ZNF385D: variants seen among roughly 807,000 people sequenced by gnomAD.
The protein encoded by ZNF385D is zinc finger protein 659.
A neutral mutation model predicts 35.8 loss-of-function variants in ZNF385D; 15 were observed. The observed-to-expected ratio is 0.42, with a 90% CI of 0.28 to 0.64. The LOEUF (loss-of-function observed/expected upper bound fraction) is 0.64, where lower values mean the gene tolerates loss of function less well. Among genes scored for constraint, ZNF385D ranks in the 30% least tolerant of loss-of-function variants. The pLI is 0.23. For missense variants in ZNF385D, 474 were observed against 494.6 expected, an observed-to-expected ratio of 0.96 and a Z score of 0.39; for synonymous variants, 212 against 186.8, an observed-to-expected ratio of 1.13 and a Z score of -1.10.
At chr3:21,431,411 T>C (rs1382099140) in intron 5 of ZNF385D, among the ~76,000 whole-genome samples, 1 of 152,174 alleles carries the variant, frequency 6.6e-6, no homozygotes, top group Non-Finnish European at 1.5e-5. Flanking sequence ...ATTACAGCTC[T>C]AGTACCTAGA....
In ZNF385D at chr3:22,086,307, T is replaced by C. The variant is rs558466858; in HGVS notation, c.325+82510A>G. Among the ~76,000 whole-genome samples the C allele has an allele frequency of 3.3e-3, 497 of 152,302 alleles. 1 individual carries two copies. Among genetic ancestry groups the C allele is most frequent in the African/African-American group, 0.01 (430 of 41,564 alleles). On this transcript the variant is annotated intron_variant, in intron 3 of 5. Coordinates refer to the ZNF385D transcript ENST00000494108. ...ATGATTGTATATTTAGAAAACCTCA[T>C]AGTCTCAGCCCAAATTCTCCTTAAG...
chr3:21,828,031 A>G (rs1041647192), intron 3 of ZNF385D, among the ~76,000 whole-genome samples: 4 of 152,144 alleles, frequency 2.6e-5, no homozygotes, highest in African/African-American at 7.2e-5. Context: ...TTTTCTTCTG[A>G]TTATGGTTTT....
At chr3:22,150,755 CATATAT>C (rs371058778) in intron 3 of ZNF385D, among the ~76,000 whole-genome samples, 1 of 151,872 alleles carries the variant, frequency 6.6e-6, no homozygotes, top group Admixed American at 6.6e-5. Flanking sequence ...AAAATTTAAA[CATATAT>C]ATATAATTAG....
intron 4 of ZNF385D, among the ~76,000 whole-genome samples, chr3:21,460,648 G>A (rs188507649): frequency 2.0e-5 from 3 of 152,146 alleles, no homozygotes; most frequent in Non-Finnish European, 4.4e-5. Context: ...TGTTGTACAT[G>A]TGTAAAAAAT....
intron 3 of ZNF385D, among the ~76,000 whole-genome samples, chr3:21,919,398 G>A (rs1271428706): frequency 2.6e-5 from 4 of 152,162 alleles, no homozygotes; most frequent in Non-Finnish European, 5.9e-5. Flanking sequence ...TTTTGATATT[G>A]TTGTGAGCTA....
intron 2 of ZNF385D, among the ~76,000 whole-genome samples, chr3:22,357,926 A>T (rs1220998229): frequency 1.3e-5 from 2 of 151,922 alleles, no homozygotes; most frequent in Non-Finnish European, 2.9e-5. Flanking sequence ...AAATATTAGG[A>T]AACAGATTTA....
intron 3 of ZNF385D, among the ~76,000 whole-genome samples, chr3:22,099,847 T>C (rs566745093): frequency 9.9e-5 from 15 of 152,116 alleles, no homozygotes; most frequent in East Asian, 9.7e-4. Flanking sequence ...AATGAACAGA[T>C]TGGAGCCTGG....
At chr3:22,299,539 G>A (rs950410797) in intron 2 of ZNF385D, among the ~76,000 whole-genome samples, 2 of 151,762 alleles carry the variant, frequency 1.3e-5, no homozygotes, top group Non-Finnish European at 2.9e-5. Context: ...AGAAGTTCCT[G>A]TTTGTGAACA....
At position 21,420,389 on chromosome 3, in the gene ZNF385D, T is replaced by C. The variant is rs1469475429; in HGVS notation, c.*825A>G. The C allele has an allele frequency of 6.6e-6, 1 of 152,248 alleles. No homozygotes were observed. Among genetic ancestry groups the C allele is most frequent in the Non-Finnish European group, 1.5e-5 (1 of 68,042 alleles). 9.4% of individuals were successfully genotyped at this position (152,248 alleles called of 1,614,324 possible). A position where few individuals can be genotyped will look rare whatever the true frequency, so the allele number is the denominator to read the frequency against. On this transcript the variant is annotated 3_prime_UTR_variant, in exon 8 of 8. Transcript: ENST00000281523. ...GGTTTCTCTGCTTTCAGATATAGGT[T>C]CATTATAAACACTTCCCTGTTTCCA...
intron 4 of ZNF385D, among the ~76,000 whole-genome samples, chr3:21,501,596 C>A (rs939136114): frequency 6.6e-6 from 1 of 152,182 alleles, no homozygotes; most frequent in African/African-American, 2.4e-5. Context: ...AGACAAAATT[C>A]TCTAATTGTC....
At chr3:21,726,558 T>G (rs1284022464) in intron 1 of ZNF385D, among the ~76,000 whole-genome samples, 1 of 152,164 alleles carries the variant, frequency 6.6e-6, no homozygotes, top group Non-Finnish European at 1.5e-5. Context: ...AAATCATGAT[T>G]GAACTCTCAT....
rs534655688 is a variant in ZNF385D, at chr3:21,418,087, G to T, written c.*3127C>A. ...ATGACTGTTTCCCATTTGTCTGGACGATCTGATTGAGGTGCAACAATGCTT... is the reference window on the plus strand; with the variant it reads ...ATGACTGTTTCCCATTTGTCTGGACTATCTGATTGAGGTGCAACAATGCTT... On this transcript the variant is annotated 3_prime_UTR_variant, in exon 8 of 8. Transcript: ENST00000281523. 1.3e-5 allele frequency: 2 copies of T among 152,098 alleles called. No homozygotes were observed. Among genetic ancestry groups the T allele is most frequent in the African/African-American group, 4.8e-5 (2 of 41,424 alleles). The allele number at this position is 152,098 out of a possible 1,614,324, so 9.4% of individuals were successfully genotyped here. A position where few individuals can be genotyped will look rare whatever the true frequency, so the allele number is the denominator to read the frequency against.
chr3:22,070,111 A>G (rs759576539), intron 3 of ZNF385D, among the ~76,000 whole-genome samples: 1 of 152,168 alleles, frequency 6.6e-6, no homozygotes, highest in Non-Finnish European at 1.5e-5. Flanking sequence ...TTCCTATTTT[A>G]ATAATTTCCC....
rs535970108 is a variant in ZNF385D at position 21,949,420 on chromosome 3, C to T, written c.325+219397G>A. 4.1e-4 allele frequency among the ~76,000 whole-genome samples: 63 copies of T among 151,952 alleles called. 1 individual carries two copies. The Middle Eastern group carries it at 0.01, about 25-fold the overall frequency. Reference sequence around the variant, plus strand: ...TGGGGTGGCTATCTTTATTGTTGGGCCTCTCAGTGGAGTGTAGGTGTATTT... The same window carrying T: ...TGGGGTGGCTATCTTTATTGTTGGGTCTCTCAGTGGAGTGTAGGTGTATTT... On this transcript the variant is annotated intron_variant, in intron 3 of 5. Transcript: ENST00000494108.
At chr3:22,079,165 C>T (rs1400150643) in intron 3 of ZNF385D, among the ~76,000 whole-genome samples, 2 of 152,020 alleles carry the variant, frequency 1.3e-5, no homozygotes, top group African/African-American at 2.4e-5. Flanking sequence ...TTAGCCAATG[C>T]TAAACTTGAG....
At chr3:22,098,816 C>T (rs931787724) in intron 3 of ZNF385D, among the ~76,000 whole-genome samples, 1 of 151,898 alleles carries the variant, frequency 6.6e-6, no homozygotes, top group East Asian at 1.9e-4. Context: ...AAAAGTATCA[C>T]ATACAGTGAT....
chr3:22,122,663 AAAG>A (rs1321271456), intron 3 of ZNF385D, among the ~76,000 whole-genome samples: 5 of 152,186 alleles, frequency 3.3e-5, no homozygotes, highest in African/African-American at 7.2e-5. Context: ...TCTATGGAAG[AAAG>A]AAGAACAGAG....
chr3:21,725,682 A>G (rs1449107149), intron 1 of ZNF385D, among the ~76,000 whole-genome samples: 2 of 152,206 alleles, frequency 1.3e-5, no homozygotes, highest in African/African-American at 2.4e-5. Context: ...AAATTGATGA[A>G]TAGTTAATAG....
chr3:22,133,034 G>A (rs1480174893), intron 3 of ZNF385D, among the ~76,000 whole-genome samples: 1 of 151,990 alleles, frequency 6.6e-6, no homozygotes, highest in Non-Finnish European at 1.5e-5. Flanking sequence ...TTTCCCCAAG[G>A]ACTAAAATTA....
Sources: allele counts gnomAD v4.1 joint callset (sites outside exome capture counted in the v4.1 genomes callset), GRCh38; gene constraint gnomAD v4.1.1; transcripts MANE v1.5; gene names NCBI Gene and HGNC (gene_info 2026-07-23, HGNC 2026-07-21).